Variants in GTF2E1 observed in about 807,000 individuals in gnomAD.
GTF2E1 encodes general transcription factor IIE subunit 1, also known as TFIIE alpha subunit.
A neutral mutation model predicts 34.9 loss-of-function variants in GTF2E1; 14 were observed. The ratio of observed to expected loss-of-function variants is 0.40; its 90% CI spans 0.27 to 0.63. The LOEUF is 0.63. Ranked by LOEUF, GTF2E1 falls within the 20% of genes least tolerant of loss-of-function variation. GTF2E1 has a pLI of 0.39. For synonymous variants in GTF2E1, 188 were observed against 192.9 expected (o/e 0.97, Z 0.21); for missense variants, 469 against 557.7 (o/e 0.84, Z 1.60).
chr3:120,758,526 C>T (rs565568565), intron 2 of GTF2E1, among the ~76,000 whole-genome samples: 1 of 152,212 alleles, frequency 6.6e-6, no homozygotes, highest in South Asian at 2.1e-4. Flanking sequence ...CACCCAACAA[C>T]CCGTCATTTA....
At chr3:120,750,175 C>G (rs148509298) in intron 1 of GTF2E1, among the ~76,000 whole-genome samples, 2 of 152,316 alleles carry the variant, frequency 1.3e-5, no homozygotes, top group Admixed American at 1.3e-4. Context: ...CTAGTTTTCT[C>G]AGGGTTTCCA....
intron 4 of GTF2E1, among the ~76,000 whole-genome samples, chr3:120,780,747 A>G (rs1173974408): frequency 6.6e-6 from 1 of 152,212 alleles, no homozygotes; most frequent in Non-Finnish European, 1.5e-5. Flanking sequence ...TTTACAGAAA[A>G]AGGTATTGAA....
chr3:120,744,683 T>C lies in GTF2E1; in HGVS notation c.-31+1889T>C, dbSNP rs556876751. Among the ~76,000 whole-genome samples the C allele has an allele frequency of 4.6e-5, 7 of 152,306 alleles. No individual in the cohort carries two copies. In the South Asian group the frequency reaches 1.4e-3, roughly 32 times the overall value. On this transcript the variant is annotated intron_variant, in intron 1 of 4. Transcript: ENST00000283875. The stretch of plus-strand genomic sequence containing the variant: ...AATAACTTTCATTCATTCTGTTCTC[T>C]TCTTGCAATTTTTTTGCCTTCTTAG...
chr3:120,767,910 C>T (rs1709322512), intron 2 of GTF2E1, among the ~76,000 whole-genome samples: 1 of 151,282 alleles, frequency 6.6e-6, no homozygotes, highest in Non-Finnish European at 1.5e-5. Context: ...GATTGTCCTT[C>T]TGTGAAATAA....
chr3:120,754,612 C>A (rs1039176588), intron 2 of GTF2E1, among the ~76,000 whole-genome samples: 5 of 151,544 alleles, frequency 3.3e-5, no homozygotes, highest in African/African-American at 1.2e-4. Flanking sequence ...GAATATTGGG[C>A]AAAAAAATAC....
intron 2 of GTF2E1, among the ~76,000 whole-genome samples, chr3:120,753,153 C>G (rs985443147): frequency 3.3e-5 from 5 of 151,762 alleles, no homozygotes; most frequent in African/African-American, 9.7e-5. Context: ...TACCCAACAA[C>G]TTCCTTTGGT....
At chr3:120,760,766 C>T (rs1054101035) in intron 2 of GTF2E1, among the ~76,000 whole-genome samples, 6 of 151,906 alleles carry the variant, frequency 3.9e-5, no homozygotes, top group East Asian at 1.9e-4. Context: ...TGCATCCCAG[C>T]GATGAAGCCG....
chr3:120,765,838 A>G (rs1289503015), intron 2 of GTF2E1, among the ~76,000 whole-genome samples: 3 of 152,122 alleles, frequency 2.0e-5, no homozygotes, highest in East Asian at 1.9e-4. Flanking sequence ...TCCTAACCCC[A>G]TCATTTGTCA....
chr3:120,776,355 G>A (rs1709398916), intron 3 of GTF2E1, 68 bp from the exon 4 acceptor site: 4 of 1,415,910 alleles, frequency 2.8e-6, no homozygotes, highest in Non-Finnish European at 3.9e-6. Flanking sequence ...CTCCCTAGCT[G>A]CCCTTCTTTT....
chr3:120,744,108 G>T (rs1399656962), intron 1 of GTF2E1, among the ~76,000 whole-genome samples: 2 of 152,192 alleles, frequency 1.3e-5, no homozygotes, highest in Admixed American at 6.5e-5. Flanking sequence ...GTGGGAACAT[G>T]GGCTCACTTT....
chr3:120,757,875 T>C (rs1414123877), intron 2 of GTF2E1, among the ~76,000 whole-genome samples: 3 of 152,186 alleles, frequency 2.0e-5, no homozygotes, highest in Admixed American at 6.5e-5. Context: ...ACATAAGTAA[T>C]ATATGGCTGG....
chr3:120,760,148 A>G (rs902516179), intron 2 of GTF2E1, among the ~76,000 whole-genome samples: 9 of 152,164 alleles, frequency 5.9e-5, no homozygotes, highest in Non-Finnish European at 1.2e-4. Context: ...GGTCCTTCAC[A>G]TCCCTTATAA....
At chr3:120,780,333 G>A (rs1709436352) in intron 4 of GTF2E1, among the ~76,000 whole-genome samples, 1 of 152,150 alleles carries the variant, frequency 6.6e-6, no homozygotes, top group South Asian at 2.1e-4. Flanking sequence ...GGGAATGTAG[G>A]GATAGGATAC....
At chr3:120,756,407 A>G (rs1347208565) in intron 2 of GTF2E1, among the ~76,000 whole-genome samples, 2 of 151,426 alleles carry the variant, frequency 1.3e-5, no homozygotes, top group African/African-American at 2.4e-5. Flanking sequence ...AATCTTATCC[A>G]GCATGGGTTA....
intron 3 of GTF2E1, 74 bp downstream of exon 3, chr3:120,771,003 G>A: frequency 1.7e-6 from 2 of 1,182,228 alleles, no homozygotes; most frequent in African/African-American, 1.5e-5. Flanking sequence ...GTACCTTGGA[G>A]AACAAGAGTG....
rs564763983 is a variant in GTF2E1, at chr3:120,760,126, A to G, written c.448+9126A>G. Among the ~76,000 whole-genome samples, 97 of 152,202 alleles carry G rather than the reference A, an allele frequency of 6.4e-4. 1 individual carries two copies. The highest frequency in any genetic ancestry group is 2.3e-3 in the African/African-American group (96 of 41,520). The stretch of plus-strand genomic sequence containing the variant: ...TTTATTTCGTTGAGCAGTGGTTTGT[A>G]GTTCTTGAAGAGGTCCTTCACATCC... On this transcript the variant is annotated intron_variant, in intron 2 of 4. Coordinates refer to ENST00000283875, the MANE Select transcript of GTF2E1 (RefSeq NM_005513.3).
intron 2 of GTF2E1, among the ~76,000 whole-genome samples, chr3:120,767,042 A>T (rs1216596288): frequency 6.6e-6 from 1 of 152,186 alleles, no homozygotes; most frequent in Non-Finnish European, 1.5e-5. Flanking sequence ...CAGAAGAAAA[A>T]TAAGAAATTC....
chr3:120,760,228 C>G (rs1161820592), intron 2 of GTF2E1, among the ~76,000 whole-genome samples: 1 of 152,018 alleles, frequency 6.6e-6, no homozygotes, highest in Middle Eastern at 3.2e-3. Flanking sequence ...ATTTGACTCT[C>G]TGTTTATTAT....
At chr3:120,742,893 A>G (rs951346149) in intron 1 of GTF2E1, 99 bp downstream of exon 1, 6 of 285,842 alleles carry the variant, frequency 2.1e-5, no homozygotes, top group African/African-American at 1.3e-4. Context: ...ATCCTCCCCT[A>G]ATGAATTACC....
Sources: allele counts gnomAD v4.1 joint callset (sites outside exome capture counted in the v4.1 genomes callset), GRCh38; gene constraint gnomAD v4.1.1; transcripts MANE v1.5; gene names NCBI Gene and HGNC (gene_info 2026-07-23, HGNC 2026-07-21).